CYTH1: variants seen among roughly 807,000 people sequenced by gnomAD.
CYTH1 encodes the protein cytohesin-1.
Under a neutral mutation model 61.8 loss-of-function variants are expected in CYTH1, and 18 were observed. The observed-to-expected ratio is 0.29, with a 90% confidence interval of 0.20 to 0.43. The LOEUF is 0.43. Ranked by LOEUF, CYTH1 falls within the 20% of genes least tolerant of loss-of-function variation. The pLI is 1.00. For synonymous variants in CYTH1, 174 were observed against 184.3 expected (o/e 0.94, Z 0.45); for missense variants, 336 against 510.5 (o/e 0.66, Z 3.29).
At chr17:78,757,547 A>T (rs2093406631) in intron 1 of CYTH1, among the ~76,000 whole-genome samples, 1 of 152,158 alleles carries the variant, frequency 6.6e-6, no homozygotes, top group Non-Finnish European at 1.5e-5. Context: ...ATACATGTAA[A>T]CACTAGCCGA....
chr17:78,716,152 A>C (rs983876051), intron 1 of CYTH1, among the ~76,000 whole-genome samples: 39 of 152,206 alleles, frequency 2.6e-4, no homozygotes, highest in Non-Finnish European at 5.4e-4. Flanking sequence ...GGCAGAAGGC[A>C]GGAGATAACC....
chr17:78,781,048 T>C (rs2093515133), intron 1 of CYTH1, among the ~76,000 whole-genome samples: 1 of 149,804 alleles, frequency 6.7e-6, no homozygotes, highest in African/African-American at 2.5e-5. Flanking sequence ...TAAAATAAAA[T>C]AAAATAAAAA....
In CYTH1 at chr17:78,781,859, G is replaced by A. The variant is rs573319338; in HGVS notation, c.22+343C>T. Among the ~76,000 whole-genome samples the A allele has an allele frequency of 2.2e-3, 328 of 151,034 alleles. 2 individuals carry two copies. Among genetic ancestry groups the A allele is most frequent in the African/African-American group, 7.4e-3 (306 of 41,132 alleles). On this transcript the variant is annotated intron_variant, in intron 1 of 13. Transcript: ENST00000446868. ...ACGACTCTCATCCCTCAGAGCCCCT[G>A]AGATCCTGCCCCGCGACCCCAACGA...
intron 1 of CYTH1, among the ~76,000 whole-genome samples, chr17:78,741,377 A>C (rs2093341160): frequency 6.6e-6 from 1 of 152,184 alleles, no homozygotes; most frequent in Non-Finnish European, 1.5e-5. Flanking sequence ...TCTACAAAAA[A>C]ATTAAATAAA....
intron 1 of CYTH1, among the ~76,000 whole-genome samples, chr17:78,781,194 G>T (rs1598937019): frequency 2.1e-5 from 3 of 142,886 alleles, no homozygotes; most frequent in Admixed American, 6.8e-5. Flanking sequence ...AAAGAAAAAT[G>T]TCCCATTAGT....
At chr17:78,684,404 A>G (rs1004580121) in intron 11 of CYTH1, among the ~76,000 whole-genome samples, 2 of 152,112 alleles carry the variant, frequency 1.3e-5, no homozygotes, top group African/African-American at 4.8e-5. Context: ...CTTTCACTGG[A>G]CTCTGGCAGG....
At position 78,768,463 on chromosome 17, in the gene CYTH1, G is replaced by A. The variant is rs766689653; in HGVS notation, c.22+13739C>T. On this transcript the variant is annotated intron_variant, in intron 1 of 13. Coordinates refer to ENST00000446868, the MANE Select transcript of CYTH1 (RefSeq NM_004762.6). Reference sequence around the variant, plus strand: ...AGTACCACAAAACTCCAGAGATTACGTCCAAAACCGAAGTCCTATTCTCAG... The same window carrying A: ...AGTACCACAAAACTCCAGAGATTACATCCAAAACCGAAGTCCTATTCTCAG... 9.9e-5 allele frequency among the ~76,000 whole-genome samples: 15 copies of A among 152,132 alleles called. No individual in the cohort carries two copies. In the South Asian group the frequency reaches 2.3e-3, roughly 23 times the overall value.
rs574466123 is a variant in CYTH1, at chr17:78,712,659, A to T, written c.23-2927T>A. ...CAACAAGAGCACAACTCTGTCTCAA[A>T]AATAATAATAATAATAATATAAAAA... On this transcript the variant is annotated intron_variant, in intron 1 of 13. Transcript: ENST00000446868. Among the ~76,000 whole-genome samples the T allele has an allele frequency of 5.3e-5, 8 of 151,898 alleles. No individual in the cohort carries two copies. In the East Asian group the frequency reaches 5.8e-4, roughly 11 times the overall value.
chr17:78,683,038 C>G (rs1281126914), intron 11 of CYTH1, among the ~76,000 whole-genome samples: 1 of 152,198 alleles, frequency 6.6e-6, no homozygotes, highest in Non-Finnish European at 1.5e-5. Context: ...TATTTTCCCT[C>G]TGCCTTTTTA....
intron 1 of CYTH1, chr17:78,727,568 T>C (rs548995434): frequency 1.5e-5 from 6 of 405,390 alleles, no homozygotes; most frequent in South Asian, 8.7e-5. Flanking sequence ...TTTGCAAAAG[T>C]TTGGGAGAGG....
At chr17:78,749,665 TAAAA>T (rs141892252) in intron 1 of CYTH1, among the ~76,000 whole-genome samples, 2 of 150,318 alleles carry the variant, frequency 1.3e-5, no homozygotes, top group African/African-American at 4.9e-5. Flanking sequence ...AATAAAAAAA[TAAAA>T]AAAAACCTAA....
chr17:78,706,902 G>C (rs550643526), intron 3 of CYTH1, among the ~76,000 whole-genome samples: 1 of 152,214 alleles, frequency 6.6e-6, no homozygotes, highest in East Asian at 1.9e-4. Flanking sequence ...TATTTGGGCT[G>C]CCTTTCTATC....
chr17:78,675,751 C>A lies in CYTH1; in HGVS notation c.*340G>T. Reference sequence around the variant, plus strand: ...GGTGCAGGGTTTGAAGGCTTCTTCACGGGGACAACCAAGAGGTAAACAGTT... The same window carrying A: ...GGTGCAGGGTTTGAAGGCTTCTTCAAGGGGACAACCAAGAGGTAAACAGTT... On this transcript the variant is annotated 3_prime_UTR_variant, in exon 14 of 14. Coordinates refer to ENST00000446868, the MANE Select transcript of CYTH1 (RefSeq NM_004762.6). The A allele has an allele frequency of 1.3e-6, 1 of 748,252 alleles. No homozygotes were observed. Among genetic ancestry groups the A allele is most frequent in the Non-Finnish European group, 2.0e-6 (1 of 492,098 alleles). The allele number at this position is 748,252 out of a possible 1,614,324, so 46.4% of individuals were successfully genotyped here.
intron 1 of CYTH1, among the ~76,000 whole-genome samples, chr17:78,744,034 T>A (rs1255687384): frequency 6.6e-6 from 1 of 152,230 alleles, no homozygotes; most frequent in Non-Finnish European, 1.5e-5. Flanking sequence ...CCAGTATTTG[T>A]GGGGGCTACA....
chr17:78,771,062 G>T (rs2093469421), intron 1 of CYTH1, among the ~76,000 whole-genome samples: 1 of 151,242 alleles, frequency 6.6e-6, no homozygotes, highest in Admixed American at 6.6e-5. Context: ...CAGGAGTTTG[G>T]GACCAGCCTG....
At chr17:78,733,736 C>T (rs1048258055) in intron 1 of CYTH1, among the ~76,000 whole-genome samples, 2 of 152,248 alleles carry the variant, frequency 1.3e-5, no homozygotes, top group African/African-American at 2.4e-5. Context: ...CCAACGGATT[C>T]CCCAGATGGA....
intron 1 of CYTH1, among the ~76,000 whole-genome samples, chr17:78,770,721 T>C (rs558315677): frequency 3.9e-5 from 6 of 152,190 alleles, no homozygotes; most frequent in Non-Finnish European, 1.5e-5. Flanking sequence ...TAGGTTTTTT[T>C]AATAGCCTTA....
intron 1 of CYTH1, among the ~76,000 whole-genome samples, chr17:78,710,775 G>C (rs2093120596): frequency 6.6e-6 from 1 of 152,166 alleles, no homozygotes; most frequent in South Asian, 2.1e-4. Context: ...AGAAGTGTTG[G>C]CTCTTGTTCC....
At chr17:78,756,890 G>A (rs2093403315) in intron 1 of CYTH1, among the ~76,000 whole-genome samples, 1 of 150,514 alleles carries the variant, frequency 6.6e-6, no homozygotes, top group Admixed American at 6.6e-5. Context: ...GGAACACAAA[G>A]TTCAACCACT....
Sources: allele counts gnomAD v4.1 joint callset (sites outside exome capture counted in the v4.1 genomes callset), GRCh38; gene constraint gnomAD v4.1.1; transcripts MANE v1.5; gene names NCBI Gene and HGNC (gene_info 2026-07-23, HGNC 2026-07-21).